TP63: variants seen among roughly 807,000 people sequenced by gnomAD.
TP63 encodes the protein tumor protein p63.
A neutral mutation model predicts 82.8 loss-of-function variants in TP63; 17 were observed. The ratio of observed to expected loss-of-function variants is 0.21; its 90% CI spans 0.14 to 0.31. TP63 has a LOEUF of 0.31. TP63 is among the 10% of genes least tolerant of loss of function. The probability of loss-of-function intolerance (pLI) is 1.00; values close to 1 mark genes in which losing one functional copy is unlikely to be tolerated. For synonymous variants in TP63, 330 were observed against 321.7 expected, an observed-to-expected ratio of 1.03 and a Z score of -0.28; for missense variants, 648 against 895.3, an observed-to-expected ratio of 0.72 and a Z score of 3.52.
intron 1 of TP63, among the ~76,000 whole-genome samples, chr3:189,724,009 ATTTTT>A (rs34805260): frequency 3.4e-5 from 4 of 116,554 alleles, no homozygotes; most frequent in Non-Finnish European, 7.4e-5. Context: ...CCTGGCTTTC[ATTTTT>A]TTTTTTTTTT....
intron 1 of TP63, among the ~76,000 whole-genome samples, chr3:189,717,998 T>C (rs998354852): frequency 6.6e-6 from 1 of 152,180 alleles, no homozygotes; most frequent in African/African-American, 2.4e-5. Flanking sequence ...TCAAGAAAGA[T>C]AACAACATAA....
At chr3:189,608,248 T>C in the TP63 span, among the ~76,000 whole-genome samples, 16 of 152,098 alleles carry the variant, frequency 1.1e-4, no homozygotes, top group African/African-American at 3.9e-4. Context: ...ATTTATTTAG[T>C]ATAACATCAG....
intron 9 of TP63, among the ~76,000 whole-genome samples, chr3:189,872,313 CATTTT>C (rs756894723): frequency 1.3e-5 from 2 of 151,824 alleles, no homozygotes; most frequent in African/African-American, 2.4e-5. Context: ...TGTTAAGAGA[CATTTT>C]ATTTAATATA....
At position 189,894,503 on chromosome 3, in the gene TP63, G is replaced by C. The variant is rs1388190624; in HGVS notation, c.*1G>C. On this transcript the variant is annotated 3_prime_UTR_variant, in exon 14 of 14. Transcript: ENST00000264731. ...GCGCATCAAAGAGGAGGGGGAGTGA[G>C]CCTCACCATGTGAGCTCTTCCTATC... 6.2e-7 allele frequency: 1 copy of C among 1,612,634 alleles called. No individual in the cohort carries two copies. Among genetic ancestry groups the C allele is most frequent in the Admixed American group, 1.7e-5 (1 of 59,986 alleles).
chr3:189,703,554 T>C (rs1211951183), intron 1 of TP63, among the ~76,000 whole-genome samples: 1 of 152,026 alleles, frequency 6.6e-6, no homozygotes, highest in East Asian at 1.9e-4. Context: ...CCAGTTTGAG[T>C]AGGGTGTGCA....
intron 1 of TP63, among the ~76,000 whole-genome samples, chr3:189,713,239 C>A (rs541918733): frequency 6.6e-6 from 1 of 152,288 alleles, no homozygotes; most frequent in African/African-American, 2.4e-5. Context: ...CACTGCCTGG[C>A]AAGTAACTAC....
intron 1 of TP63, among the ~76,000 whole-genome samples, chr3:189,649,069 A>G (rs1371658868): frequency 2.0e-5 from 3 of 147,384 alleles, no homozygotes; most frequent in Admixed American, 2.0e-4. Context: ...GGCACTAGTT[A>G]GCAAAAAGTT....
At chr3:189,640,779 T>A (rs1711782676) in intron 1 of TP63, among the ~76,000 whole-genome samples, 1 of 152,176 alleles carries the variant, frequency 6.6e-6, no homozygotes, top group Non-Finnish European at 1.5e-5. Context: ...AAGCTCTGCA[T>A]TCTTTGCTGC....
rs982007728 is a variant in TP63 at position 189,844,963 on chromosome 3, T to C, written c.580-19269T>C. On this transcript the variant is annotated intron_variant, in intron 4 of 13. Transcript: ENST00000264731. ...CAACCCTCCATCTGTTTTGTATGAT[T>C]TTTCATTCCCAGCAGTTCTAATTAT... Among the ~76,000 whole-genome samples the C allele has an allele frequency of 1.7e-4, 26 of 152,328 alleles. 1 individual carries two copies. The highest frequency in any genetic ancestry group is 1.7e-3 in the Admixed American group (26 of 15,304).
chr3:189,797,182 G>T (rs1350973883), intron 3 of TP63, among the ~76,000 whole-genome samples: 1 of 152,044 alleles, frequency 6.6e-6, no homozygotes, highest in Non-Finnish European at 1.5e-5. Context: ...AGCTGAAAGA[G>T]GGAATTTTGA....
intron 3 of TP63, among the ~76,000 whole-genome samples, chr3:189,793,487 A>G (rs1725373180): frequency 1.3e-5 from 2 of 152,120 alleles, no homozygotes; most frequent in African/African-American, 4.8e-5. Context: ...GCGTTCTGCT[A>G]TAAAGGGAGT....
intron 4 of TP63, among the ~76,000 whole-genome samples, chr3:189,808,800 A>C (rs918217360): frequency 6.6e-6 from 1 of 152,236 alleles, no homozygotes; most frequent in African/African-American, 2.4e-5. Context: ...GTGAAAGTTC[A>C]TGGCAAGGTA....
chr3:189,732,613 C>A (rs1028794096), intron 1 of TP63, among the ~76,000 whole-genome samples: 2 of 152,102 alleles, frequency 1.3e-5, no homozygotes, highest in Non-Finnish European at 2.9e-5. Context: ...TTAAAGAAAG[C>A]CTCTCAACCA....
chr3:189,750,125 GAAAAAAAAAA>G (rs71175309), intron 3 of TP63, among the ~76,000 whole-genome samples: 1 of 95,512 alleles, frequency 1.0e-5, no homozygotes, highest in Admixed American at 1.1e-4. Context: ...CTCTGTCTCA[GAAAAAAAAAA>G]AAAAAAAAAG....
chr3:189,651,910 ATGT>A (rs1712926456), intron 1 of TP63, among the ~76,000 whole-genome samples: 1 of 147,122 alleles, frequency 6.8e-6, no homozygotes, highest in African/African-American at 2.5e-5. Context: ...CAGCTTCCAC[ATGT>A]TGTTGGTCCT....
chr3:189,848,239 T>TTCTCTCTCTCTCTCTCAATCTC, intron 4 of TP63, among the ~76,000 whole-genome samples: 1 of 96,026 alleles, frequency 1.0e-5, no homozygotes, highest in South Asian at 4.2e-4. Context: ...CTCCTCCTCC[T>TTCTCTCTCTCTCTCTCAATCTC]TCTCTCTCTC....
intron 3 of TP63, among the ~76,000 whole-genome samples, chr3:189,779,790 G>C (rs553180423): frequency 3.3e-5 from 5 of 152,080 alleles, no homozygotes; most frequent in Non-Finnish European, 5.9e-5. Context: ...ACAATAAGAC[G>C]CTGCCAACTT....
chr3:189,880,256 C>T lies in TP63; in HGVS notation c.1350-6138C>T, dbSNP rs35611733. ...GAGTGTGTGTGTGTGTATGTGTGTG[C>T]GTGTGTATCTAGCCCTCATAAACAG... is the stretch of plus-strand genomic sequence containing the variant. On this transcript the variant is annotated intron_variant, in intron 10 of 13. Coordinates refer to ENST00000264731, the MANE Select transcript of TP63 (RefSeq NM_003722.5). 1,338 of 1,490,596 alleles carry T rather than the reference C, an allele frequency of 9.0e-4. 2 individuals carry two copies. The highest frequency in any genetic ancestry group is 8.3e-4 in the Non-Finnish European group (928 of 1,113,056). The allele number at this position is 1,490,596 out of a possible 1,614,324, so 92.3% of individuals were successfully genotyped here. A position where few individuals can be genotyped will look rare whatever the true frequency, so the allele number is the denominator to read the frequency against.
intron 3 of TP63, among the ~76,000 whole-genome samples, chr3:189,740,146 C>A (rs147134745): frequency 8.5e-5 from 13 of 152,296 alleles, no homozygotes; most frequent in Middle Eastern, 3.4e-3. Context: ...TGACTCTTTT[C>A]ATTCCAATAC....
Sources: allele counts gnomAD v4.1 joint callset (sites outside exome capture counted in the v4.1 genomes callset), GRCh38; gene constraint gnomAD v4.1.1; transcripts MANE v1.5; gene names NCBI Gene and HGNC (gene_info 2026-07-23, HGNC 2026-07-21).